Variants in PRR14L observed in about 807,000 individuals in gnomAD.
The protein encoded by PRR14L is proline rich 14 like.
A neutral mutation model predicts 155.0 loss-of-function variants in PRR14L; 80 were observed. The ratio of observed to expected loss-of-function variants is 0.52; its 90% CI spans 0.43 to 0.62. The LOEUF (loss-of-function observed/expected upper bound fraction) is 0.62, where lower values mean the gene tolerates loss of function less well. Ranked by LOEUF, PRR14L falls within the 20% of genes least tolerant of loss-of-function variation. The probability of loss-of-function intolerance (pLI) is 0.00; values close to 1 mark genes in which losing one functional copy is unlikely to be tolerated. For missense variants in PRR14L, 2,469 were observed against 2,548.0 expected, an observed-to-expected ratio of 0.97 and a Z score of 0.67; for synonymous variants, 883 against 916.0, an observed-to-expected ratio of 0.96 and a Z score of 0.65.
chr22:31,722,882 G>A (rs1173828934), intron 3 of PRR14L, among the ~76,000 whole-genome samples: 1 of 152,164 alleles, frequency 6.6e-6, no homozygotes, highest in Non-Finnish European at 1.5e-5. Flanking sequence ...GCAGATGCCT[G>A]ACCTTGGCAG....
At chr22:31,703,091 C>T (rs1456835959) in intron 6 of PRR14L, among the ~76,000 whole-genome samples, 1 of 152,182 alleles carries the variant, frequency 6.6e-6, no homozygotes, top group African/African-American at 2.4e-5. Flanking sequence ...GCTGAGATTA[C>T]AGGCGTGTGC....
At chr22:31,698,179 C>A (rs2074544733) in intron 7 of PRR14L, among the ~76,000 whole-genome samples, 1 of 151,896 alleles carries the variant, frequency 6.6e-6, no homozygotes, top group African/African-American at 2.4e-5. Flanking sequence ...TGCCTGCCAC[C>A]ATGCCTAGCT....
In PRR14L at chr22:31,723,788, C is replaced by G. The variant is rs2074702902; in HGVS notation, c.547+1750G>C. ...ATTGGTGCTTCCTTTTCTGTCCAGG[C>G]TGCCGAGAAGCTAAGAGTCAAATCT... On this transcript the variant is annotated intron_variant, in intron 3 of 8. Transcript: ENST00000327423. Among the ~76,000 whole-genome samples, 2 of 152,214 alleles carry G rather than the reference C, an allele frequency of 1.3e-5. 1 individual carries two copies. Among genetic ancestry groups the G allele is most frequent in the South Asian group, 4.1e-4 (2 of 4,828 alleles).
At position 31,703,564 on chromosome 22, in the gene PRR14L, G is replaced by A; in HGVS notation, c.5986C>T (p.Pro1996Ser). Residue 1996 changes from proline (P) to serine (S), a missense_variant, in exon 6 of 9, where the codon CCA becomes TCA. Physicochemically the swap from Pro to Ser is moderately conservative, Grantham distance 74 (BLOSUM62 -1). Coordinates refer to ENST00000327423, the MANE Select transcript of PRR14L (RefSeq NM_173566.3). The part of the protein sequence containing the change: ...AACPCPQSSP[P>S]EQKEAEPEKR... ...TTTACACTTACCTCTTTCTGTTCTG[G>A]GGGGCTGCTCTGTGGGCAGGGGCAT... 1 of 1,612,916 alleles carries A rather than the reference G, an allele frequency of 6.2e-7. No individual in the cohort carries two copies. The highest frequency in any genetic ancestry group is 8.5e-7 in the Non-Finnish European group (1 of 1,179,408).
intron 2 of PRR14L, among the ~76,000 whole-genome samples, chr22:31,730,386 GTGAGC>G (rs2074742256): frequency 6.6e-6 from 1 of 152,238 alleles, no homozygotes; most frequent in African/African-American, 2.4e-5. Context: ...GAAGGTTGCA[GTGAGC>G]TGAGATCGTG....
chr22:31,693,440 A>G (rs1474518458), intron 7 of PRR14L, among the ~76,000 whole-genome samples: 1 of 152,232 alleles, frequency 6.6e-6, no homozygotes, highest in African/African-American at 2.4e-5. Flanking sequence ...ACTGAGTAAT[A>G]TTCCATTGTC....
At chr22:31,730,671 C>T (rs373985468) in intron 2 of PRR14L, among the ~76,000 whole-genome samples, 1 of 152,032 alleles carries the variant, frequency 6.6e-6, no homozygotes, top group Non-Finnish European at 1.5e-5. Context: ...GGAAATACTT[C>T]GAGACTATGT....
At chr22:31,718,917 T>C (rs2074675149) in intron 3 of PRR14L, among the ~76,000 whole-genome samples, 1 of 151,320 alleles carries the variant, frequency 6.6e-6, no homozygotes, top group Middle Eastern at 3.2e-3. Flanking sequence ...CTACCGAAAA[T>C]ACAAAAATTA....
Position 31,742,897 on chromosome 22 carries a change from G to A in PRR14L, c.-51-3986C>T, listed in dbSNP as rs1489759380. Among the ~76,000 whole-genome samples the A allele has an allele frequency of 3.3e-5, 5 of 152,160 alleles. 1 individual carries two copies. The highest frequency in any genetic ancestry group is 3.3e-4 in the Admixed American group (5 of 15,272). ...ATATTATTCAGCCATAAAAAGGAAT[G>A]GAGAAATAACACGTTACAACATGAA... On this transcript the variant is annotated intron_variant, in intron 1 of 8. Coordinates refer to ENST00000327423, the MANE Select transcript of PRR14L (RefSeq NM_173566.3).
At chr22:31,749,122 T>C (rs1158587516) in intron 1 of PRR14L, among the ~76,000 whole-genome samples, 1 of 152,208 alleles carries the variant, frequency 6.6e-6, no homozygotes, top group African/African-American at 2.4e-5. Context: ...TTTACACAAA[T>C]GCTCCCTTAG....
rs1163987716 is a variant in PRR14L at position 31,716,421 on chromosome 22, T to C, written c.1418A>G (p.Asn473Ser). ...TACAGTAATTTTCAAATCATTTTTA[T>C]TTAACATTACTTCTGTGGCTTCAGT... ...SFTEATEVML[N>S]KNDLKITVHV... Residue 473 changes from asparagine to serine, a missense_variant, in exon 4 of 9, where the codon AAT becomes AGT. Asn to Ser is a conservative substitution (Grantham distance 46, BLOSUM62 1). This residue lies in a region of PRR14L where 2,363 missense variants were observed against 2,371.6 expected (regional missense o/e 1.00). Coordinates refer to ENST00000327423, the MANE Select transcript of PRR14L (RefSeq NM_173566.3). The C allele has an allele frequency of 1.3e-6, 2 of 1,550,770 alleles. No individual in the cohort carries two copies. Among genetic ancestry groups the C allele is most frequent in the Admixed American group, 3.9e-5 (2 of 50,722 alleles).
chr22:31,702,649 G>A (rs1291538588), intron 6 of PRR14L, among the ~76,000 whole-genome samples: 2 of 152,032 alleles, frequency 1.3e-5, no homozygotes, highest in African/African-American at 4.8e-5. Context: ...CAGAGTACCT[G>A]GGATTACAGG....
Position 31,694,005 on chromosome 22 carries a change from G to A in PRR14L, c.6108-5778C>T, listed in dbSNP as rs753253758. 4.5e-4 allele frequency among the ~76,000 whole-genome samples: 69 copies of A among 152,250 alleles called. 1 individual carries two copies. Among genetic ancestry groups the A allele is most frequent in the Non-Finnish European group, 9.4e-4 (64 of 68,026 alleles). On this transcript the variant is annotated intron_variant, in intron 7 of 8. Transcript: ENST00000327423. Reference sequence around the variant, plus strand: ...ATAAAACACACTATAGGCAAGGCACGGTGGCTCACGCCTGTAGTCCTAGCA... The same window carrying A: ...ATAAAACACACTATAGGCAAGGCACAGTGGCTCACGCCTGTAGTCCTAGCA...
chr22:31,722,094 T>C (rs868170622), intron 3 of PRR14L, among the ~76,000 whole-genome samples: 2 of 152,278 alleles, frequency 1.3e-5, no homozygotes, highest in South Asian at 4.1e-4. Flanking sequence ...AAACACTTAA[T>C]GAAACAAAGG....
At chr22:31,705,950 G>C (rs2074588534) in intron 4 of PRR14L, among the ~76,000 whole-genome samples, 1 of 151,616 alleles carries the variant, frequency 6.6e-6, no homozygotes, top group African/African-American at 2.4e-5. Context: ...GTAGTAAGCT[G>C]AGATTATACC....
chr22:31,741,589 A>G (rs1408518130), intron 1 of PRR14L, among the ~76,000 whole-genome samples: 1 of 152,178 alleles, frequency 6.6e-6, no homozygotes, highest in African/African-American at 2.4e-5. Flanking sequence ...CAGTGCTGTA[A>G]GGCTGGGTGC....
At chr22:31,725,238 C>CA (rs912861887) in intron 3 of PRR14L, among the ~76,000 whole-genome samples, 5 of 151,374 alleles carry the variant, frequency 3.3e-5, no homozygotes, top group East Asian at 3.9e-4. Context: ...CTACAAAATA[C>CA]AAAAAAAAAT....
At chr22:31,702,658 G>A (rs1227676136) in intron 6 of PRR14L, among the ~76,000 whole-genome samples, 1 of 152,092 alleles carries the variant, frequency 6.6e-6, no homozygotes, top group East Asian at 1.9e-4. Context: ...TGGGATTACA[G>A]GAATGTGCCA....
intron 4 of PRR14L, among the ~76,000 whole-genome samples, chr22:31,711,799 A>AC (rs2074624383): frequency 6.6e-6 from 1 of 150,950 alleles, no homozygotes. Flanking sequence ...AAAAAAAAAA[A>AC]AGAAGATTCA....
Sources: allele counts gnomAD v4.1 joint callset (sites outside exome capture counted in the v4.1 genomes callset), GRCh38; gene constraint gnomAD v4.1.1; regional missense constraint gnomAD v4.1.1; transcripts MANE v1.5; gene names NCBI Gene and HGNC (gene_info 2026-07-23, HGNC 2026-07-21).